MCRS1: variants seen among roughly 807,000 people sequenced by gnomAD.
The protein encoded by MCRS1 is 58 kDa microspherule protein.
MCRS1 carries 22 observed loss-of-function variants against 62.9 expected under a neutral mutation model. That is an observed-to-expected ratio of 0.35 (90% CI 0.25 to 0.50). The LOEUF (loss-of-function observed/expected upper bound fraction) is 0.50, where lower values mean the gene tolerates loss of function less well. MCRS1 is among the 20% of genes least tolerant of loss of function. MCRS1 has a pLI of 0.98. For synonymous variants in MCRS1, 244 were observed against 233.5 expected, an observed-to-expected ratio of 1.04 and a Z score of -0.41; for missense variants, 456 against 601.1, an observed-to-expected ratio of 0.76 and a Z score of 2.52.
Position 49,565,670 on chromosome 12 carries a change from G to A in MCRS1, c.150-3C>T, listed in dbSNP as rs1939018713. On this transcript the variant is annotated splice_polypyrimidine_tract_variant and splice_region_variant and intron_variant, in intron 3 of 14. Coordinates refer to ENST00000343810, the MANE Select transcript of MCRS1 (RefSeq NM_006337.5). ...CGAACTTCTTCCTCTTGATGAACCT[G>A]TAAAGGGTCCTGCCCAGTGAACACT... The A allele has an allele frequency of 1.2e-6, 2 of 1,614,058 alleles. No individual in the cohort carries two copies. The highest frequency in any genetic ancestry group is 1.7e-6 in the Non-Finnish European group (2 of 1,179,988).
rs543935348 is a variant in MCRS1, at chr12:49,559,852, G to A, written c.911-31C>T. On this transcript the variant is annotated intron_variant, in intron 10 of 14. Transcript: ENST00000343810. The surrounding 1 kb of genome is among the most constrained non-coding windows in gnomAD (Gnocchi z 5.2). ...GTGAGGTGGGGTGGTAAGGAGGGAT[G>A]CTCTGAGGCCACCAGCACCTTGTAC... The A allele has an allele frequency of 1.2e-5, 19 of 1,614,080 alleles. No homozygotes were observed. The East Asian group carries it at 4.0e-4, about 34-fold the overall frequency.
intron 4 of MCRS1, chr12:49,565,222 T>A (rs961335417): frequency 1.0e-6 from 1 of 985,282 alleles, no homozygotes; most frequent in Non-Finnish European, 1.2e-6. Flanking sequence ...CAATGCCACC[T>A]GGGGGTTATT....
At chr12:49,560,496 G>A in intron 8 of MCRS1, 126 bp from the exon 9 acceptor site, 2 of 797,904 alleles carry the variant, frequency 2.5e-6, no homozygotes, top group South Asian at 1.5e-5. Context: ...CAGCAAGGGT[G>A]CCCATACCAG....
chr12:49,565,144 C>T (rs1028155991), intron 4 of MCRS1: 1 of 985,270 alleles, frequency 1.0e-6, no homozygotes, highest in Non-Finnish European at 1.2e-6. Context: ...TCCCCGACCC[C>T]AGAGTGAAAG....
At chr12:49,567,281 T>A (rs1193113379) in intron 1 of MCRS1, among the ~76,000 whole-genome samples, 1 of 151,584 alleles carries the variant, frequency 6.6e-6, no homozygotes, top group African/African-American at 2.4e-5. Context: ...AACCAGTCCA[T>A]CTCGTTTTTT....
In MCRS1 at chr12:49,563,663, C is replaced by T. The variant is rs1272644792; in HGVS notation, c.558-117G>A. Reference sequence around the variant, plus strand: ...GAGATCCAGAACCTAGAGGCCAGGCCCTCATTAGGAAGGGCCTAAGGCTTA... The same window carrying T: ...GAGATCCAGAACCTAGAGGCCAGGCTCTCATTAGGAAGGGCCTAAGGCTTA... On this transcript the variant is annotated intron_variant, in intron 6 of 14. Transcript: ENST00000343810. 6 of 717,410 alleles carry T rather than the reference C, an allele frequency of 8.4e-6. No homozygotes were observed. The African/African-American group carries it at 1.1e-4, about 13-fold the overall frequency. The allele number at this position is 717,410 out of a possible 1,614,324, so 44.4% of individuals were successfully genotyped here.
intron 1 of MCRS1, 40 bp from the exon 2 acceptor site, chr12:49,566,881 C>T (rs999928279): frequency 9.3e-7 from 1 of 1,074,240 alleles, no homozygotes; most frequent in Non-Finnish European, 1.4e-6. Context: ...CTCAGATTTC[C>T]AACTGGCCAG....
intron 6 of MCRS1, 80 bp from the exon 7 acceptor site, chr12:49,563,626 C>G: frequency 1.8e-6 from 2 of 1,089,418 alleles, no homozygotes; most frequent in Non-Finnish European, 2.7e-6. Context: ...TCCCCCAAAC[C>G]TACAGGCTTT....
At position 49,564,527 on chromosome 12, in the gene MCRS1, C is replaced by A; in HGVS notation, c.511G>T (p.Val171Phe). 1 of 1,613,384 alleles carries A rather than the reference C, an allele frequency of 6.2e-7. No homozygotes were observed. The highest frequency in any genetic ancestry group is 8.5e-7 in the Non-Finnish European group (1 of 1,179,630). ...KFSCRFTLREVQERWYALLYD... is the reference protein window; with the variant it reads ...KFSCRFTLREFQERWYALLYD... ...AGCAGGGCGTACCAACGCTCCTGGA[C>A]CTCCCGAAGGGTGAAGCGGCAGCTG... is the stretch of plus-strand genomic sequence containing the variant. The change falls in exon 6 of 15, where the codon GTC becomes TTC. Residue 171 changes from valine (V) to phenylalanine (F), a missense_variant. By Grantham distance (50) the Val-to-Phe change is conservative. Transcript: ENST00000343810.
chr12:49,564,044 T>C (rs1938916132), intron 6 of MCRS1, among the ~76,000 whole-genome samples: 1 of 152,220 alleles, frequency 6.6e-6, no homozygotes, highest in South Asian at 2.1e-4. Flanking sequence ...ATGAGTTTAT[T>C]TGGAAGCCTG....
At chr12:49,561,902 G>A (rs1335958478) in intron 8 of MCRS1, among the ~76,000 whole-genome samples, 12 of 152,224 alleles carry the variant, frequency 7.9e-5, no homozygotes, top group Non-Finnish European at 2.9e-5. Context: ...ACAGGCGTGA[G>A]CCACCATGCC....
At chr12:49,563,694 TA>T (rs1938899479) in intron 6 of MCRS1, 148 bp from the exon 7 acceptor site, 2 of 626,560 alleles carry the variant, frequency 3.2e-6, no homozygotes, top group East Asian at 5.5e-5. Flanking sequence ...GCTTAGCAGA[TA>T]ATCTGTGGCT....
In MCRS1 at chr12:49,559,760, A is replaced by G. The variant is rs372547968; in HGVS notation, c.972T>C (p.His324=). Reference sequence around the variant, plus strand: ...TGCTGTCCACTAGCACCTGCCACTTATGCAGTTCCTGTTCCAGCTGCCGAA... The same window carrying G: ...TGCTGTCCACTAGCACCTGCCACTTGTGCAGTTCCTGTTCCAGCTGCCGAA... ...REIRQLEQEL[H]KWQVLVDSIT... is the part of the protein sequence containing the mutation. Residue 324 remains histidine (H), a synonymous_variant, in exon 11 of 15, where the codon CAT becomes CAC. Coordinates refer to ENST00000343810, the MANE Select transcript of MCRS1 (RefSeq NM_006337.5). This position sits in a 1 kb window ranked among gnomAD's most constrained non-coding sequence, Gnocchi z 5.2. The G allele has an allele frequency of 1.9e-6, 3 of 1,614,066 alleles. No homozygotes were observed. In the African/African-American group the frequency reaches 4.0e-5, roughly 22 times the overall value.
intron 8 of MCRS1, 151 bp downstream of exon 8, chr12:49,562,850 T>C: frequency 1.0e-6 from 1 of 969,262 alleles, no homozygotes; most frequent in Non-Finnish European, 1.4e-6. Context: ...CTCTGGAAAG[T>C]AGTTTTTTTT....
At chr12:49,563,574 G>C (rs372105003) in intron 6 of MCRS1, 28 bp from the exon 7 acceptor site, 12 of 1,561,944 alleles carry the variant, frequency 7.7e-6, no homozygotes, top group Non-Finnish European at 1.0e-5. Context: ...CAGAGGGGAG[G>C]GGTGAAGGAA....
chr12:49,560,694 A>G (rs1472275147), intron 8 of MCRS1, among the ~76,000 whole-genome samples: 1 of 152,206 alleles, frequency 6.6e-6, no homozygotes, highest in Non-Finnish European at 1.5e-5. Flanking sequence ...ACAGATGAGG[A>G]AACAGACACA....
intron 3 of MCRS1, 80 bp downstream of exon 3, chr12:49,565,997 A>G: frequency 6.5e-7 from 1 of 1,540,204 alleles, no homozygotes; most frequent in Non-Finnish European, 8.8e-7. Context: ...GCCATTCCCA[A>G]CAGATGGGGA....
intron 4 of MCRS1, 143 bp from the exon 5 acceptor site, chr12:49,565,038 A>G: frequency 7.1e-7 from 1 of 1,404,020 alleles, no homozygotes; most frequent in Non-Finnish European, 9.3e-7. Flanking sequence ...CAGGAAGCAC[A>G]GGAAAGGAGC....
Position 49,565,687 on chromosome 12 carries a change from G to A in MCRS1, c.150-20C>T. The A allele has an allele frequency of 6.8e-6, 11 of 1,614,020 alleles. No individual in the cohort carries two copies. The highest frequency in any genetic ancestry group is 9.3e-6 in the Non-Finnish European group (11 of 1,179,968). ...ATGAACCTGTAAAGGGTCCTGCCCAGTGAACACTCCTTACCCCACCCTGGT... is the reference window on the plus strand; with the variant it reads ...ATGAACCTGTAAAGGGTCCTGCCCAATGAACACTCCTTACCCCACCCTGGT... On this transcript the variant is annotated intron_variant, in intron 3 of 14. Transcript: ENST00000343810.
Sources: allele counts gnomAD v4.1 joint callset (sites outside exome capture counted in the v4.1 genomes callset), GRCh38; gene constraint gnomAD v4.1.1; non-coding constraint Gnocchi (gnomAD v3.1); transcripts MANE v1.5; gene names NCBI Gene and HGNC (gene_info 2026-07-23, HGNC 2026-07-21).